Variants in USP54 observed in about 807,000 individuals in gnomAD.
The protein encoded by USP54 is ubiquitin specific peptidase 54.
In USP54, 87 loss-of-function variants were observed where a neutral mutation model predicts 170.5. The observed-to-expected ratio is 0.51, with a 90% CI of 0.43 to 0.61. The LOEUF is 0.61. Among genes scored for constraint, USP54 ranks in the 20% least tolerant of loss-of-function variants. USP54 has a pLI of 0.00. For synonymous variants in USP54, 655 were observed against 742.8 expected (o/e 0.88, Z 1.92); for missense variants, 1,786 against 2,047.8 (o/e 0.87, Z 2.47).
chr10:73,522,113 T>C (rs531733281), intron 17 of USP54, among the ~76,000 whole-genome samples: 2 of 152,320 alleles, frequency 1.3e-5, no homozygotes, highest in African/African-American at 4.8e-5. Flanking sequence ...ATCCCTAACA[T>C]TCACTTCCTA....
chr10:73,594,758 AC>A (rs1454935794), upstream of USP54, among the ~76,000 whole-genome samples: 4 of 152,142 alleles, frequency 2.6e-5, no homozygotes, highest in African/African-American at 4.8e-5. Context: ...GTTCTAGCAA[AC>A]AAAAATTAGA....
chr10:73,587,280 T>C (rs2077607159), intron 1 of USP54, among the ~76,000 whole-genome samples: 1 of 151,954 alleles, frequency 6.6e-6, no homozygotes, highest in African/African-American at 2.4e-5. Flanking sequence ...GAGACCATCC[T>C]GGCTAACACG....
chr10:73,619,238 T>G (rs1358053959), intron 1 of USP54, among the ~76,000 whole-genome samples: 2 of 149,798 alleles, frequency 1.3e-5, no homozygotes, highest in East Asian at 3.8e-4. Context: ...TTCTTTTTTC[T>G]TTTTTTTGAG....
chr10:73,582,517 G>A (rs2077015673), intron 1 of USP54, among the ~76,000 whole-genome samples: 1 of 151,844 alleles, frequency 6.6e-6, no homozygotes, highest in African/African-American at 2.4e-5. Context: ...TCAGCCTCCC[G>A]AGTAGCTGGG....
intron 1 of USP54, among the ~76,000 whole-genome samples, chr10:73,584,209 GAA>G (rs1365413174): frequency 6.6e-6 from 1 of 152,182 alleles, no homozygotes; most frequent in Non-Finnish European, 1.5e-5. Flanking sequence ...CCAACATAGT[GAA>G]ACCCCATCTG....
intron 6 of USP54, 56 bp from the exon 7 acceptor site, chr10:73,542,941 C>A: frequency 1.9e-6 from 3 of 1,611,320 alleles, no homozygotes; most frequent in East Asian, 2.2e-5. Flanking sequence ...ACTGTTTTGG[C>A]ACCCATTTAA....
At chr10:73,625,537 G>C (rs1415564812) in intron 1 of USP54, 1 of 152,306 alleles carries the variant, frequency 6.6e-6, no homozygotes, top group Non-Finnish European at 1.5e-5. Flanking sequence ...AGCAAACTGG[G>C]CCCAGCGTCT....
At chr10:73,559,589 G>A (rs1234390208) in intron 4 of USP54, among the ~76,000 whole-genome samples, 4 of 150,276 alleles carry the variant, frequency 2.7e-5, no homozygotes, top group Non-Finnish European at 4.4e-5. Context: ...TTAGACGGGC[G>A]TGGTGGAAGG....
rs112001853 is a variant in USP54 at position 73,622,300 on chromosome 10, ATATTTATTTATTTATT to A, written c.-18+3251_-18+3266del. Among the ~76,000 whole-genome samples, 359 of 149,662 alleles carry A rather than the reference ATATTTATTTATTTATT, an allele frequency of 2.4e-3. 1 individual carries two copies. The highest frequency in any genetic ancestry group is 2.7e-3 in the Non-Finnish European group (181 of 67,608). On this transcript the variant is annotated intron_variant, in intron 1 of 22. Coordinates refer to the USP54 transcript ENST00000339859. ...TTATTATTGCCTTAAGACTGTTGTA[ATATTTATTTATTTATT>A]TATTTATTTATTTATTTATTTATTT...
chr10:73,591,047 T>A (rs1056946960), intron 1 of USP54, among the ~76,000 whole-genome samples: 18 of 151,926 alleles, frequency 1.2e-4, no homozygotes, highest in Admixed American at 2.0e-4. Context: ...ATCTAATAAT[T>A]GTAACAGAGA....
intron 4 of USP54, among the ~76,000 whole-genome samples, chr10:73,564,821 G>C (rs527262517): frequency 6.7e-6 from 1 of 149,810 alleles, no homozygotes; most frequent in Non-Finnish European, 1.5e-5. Flanking sequence ...CCAGCACCTT[G>C]AGAGGCCAAG....
At chr10:73,598,592 T>C (rs1385499347) in intron 1 of USP54, among the ~76,000 whole-genome samples, 1 of 150,792 alleles carries the variant, frequency 6.6e-6, no homozygotes, top group East Asian at 2.0e-4. Context: ...GCCTGGCCAA[T>C]ATGGTGAAAC....
chr10:73,589,816 A>G (rs1338258484), intron 1 of USP54, among the ~76,000 whole-genome samples: 2 of 152,172 alleles, frequency 1.3e-5, no homozygotes, highest in Non-Finnish European at 2.9e-5. Context: ...CAAAGAAAGG[A>G]GAATATCTAT....
At chr10:73,597,978 G>T (rs1011253219) in intron 1 of USP54, among the ~76,000 whole-genome samples, 2 of 152,080 alleles carry the variant, frequency 1.3e-5, no homozygotes, top group Admixed American at 6.6e-5. Flanking sequence ...CAGCTACTCG[G>T]GAGGCTGAGG....
intron 1 of USP54, among the ~76,000 whole-genome samples, chr10:73,604,049 G>A (rs2079419267): frequency 6.6e-6 from 1 of 151,870 alleles, no homozygotes; most frequent in African/African-American, 2.4e-5. Context: ...AGGAGTTCGA[G>A]ACCAGCCTGG....
intron 3 of USP54, among the ~76,000 whole-genome samples, chr10:73,573,697 G>C (rs919128918): frequency 1.3e-5 from 2 of 152,128 alleles, no homozygotes; most frequent in African/African-American, 4.8e-5. Context: ...CCCAAGAGGC[G>C]GAGGTGGCAG....
At chr10:73,502,843 T>C (rs1219163052) in intron 22 of USP54, among the ~76,000 whole-genome samples, 2 of 152,162 alleles carry the variant, frequency 1.3e-5, no homozygotes, top group African/African-American at 4.8e-5. Flanking sequence ...GCAGCTTATA[T>C]ATCTCATTCC....
chr10:73,607,022 A>C (rs1490793057), intron 1 of USP54, among the ~76,000 whole-genome samples: 1 of 151,916 alleles, frequency 6.6e-6, no homozygotes, highest in East Asian at 1.9e-4. Flanking sequence ...TTAGAAAGTA[A>C]ATATTGACCA....
At chr10:73,567,071 G>A (rs995098554) in intron 4 of USP54, among the ~76,000 whole-genome samples, 1 of 151,674 alleles carries the variant, frequency 6.6e-6, no homozygotes, top group Admixed American at 6.6e-5. Flanking sequence ...TAGAGATAGG[G>A]TTTCGCCATC....
Sources: gnomAD v4.1 joint callset for allele counts (sites outside exome capture counted in the v4.1 genomes callset) on GRCh38, gnomAD v4.1.1 for gene constraint, MANE v1.5 for transcripts, NCBI Gene and HGNC (gene_info 2026-07-23, HGNC 2026-07-21) for gene names.